The following TNRC18 variants were observed in gnomAD, a reference collection of about 807,000 sequenced individuals.
The protein encoded by TNRC18 is trinucleotide repeat containing 18.
TNRC18 carries 69 observed loss-of-function variants against 226.7 expected under a neutral mutation model. The observed-to-expected ratio is 0.30, with a 90% CI of 0.25 to 0.37. TNRC18 has a LOEUF of 0.37. TNRC18 is among the 10% of genes least tolerant of loss of function. TNRC18 has a pLI of 1.00. For missense variants in TNRC18, 4,754 were observed against 4,256.6 expected, an observed-to-expected ratio of 1.12 and a Z score of -3.25; for synonymous variants, 2,449 against 1,927.6, an observed-to-expected ratio of 1.27 and a Z score of -7.09.
intron 21 of TNRC18, among the ~76,000 whole-genome samples, chr7:5,323,060 C>T (rs760937942): frequency 5.9e-5 from 9 of 152,216 alleles, no homozygotes; most frequent in Non-Finnish European, 8.8e-5. Flanking sequence ...AGCCCATCAC[C>T]GCAGGAGCAA....
chr7:5,385,494 C>CAAAAAAAAAAAA (rs60919833), intron 5 of TNRC18, among the ~76,000 whole-genome samples: 2 of 88,120 alleles, frequency 2.3e-5, no homozygotes, highest in South Asian at 3.7e-4. Context: ...GACTCCGTCT[C>CAAAAAAAAAAAA]AAAAAAAAAA....
At chr7:5,334,672 G>A (rs547571915) in intron 18 of TNRC18, among the ~76,000 whole-genome samples, 2 of 152,164 alleles carry the variant, frequency 1.3e-5, no homozygotes, top group Non-Finnish European at 2.9e-5. Context: ...GCAGGCCACA[G>A]GCATGAGCGC....
At chr7:5,314,347 G>A (rs550227586) in intron 26 of TNRC18, among the ~76,000 whole-genome samples, 21 of 152,130 alleles carry the variant, frequency 1.4e-4, no homozygotes, top group African/African-American at 3.6e-4. Flanking sequence ...CTCCTTCGGC[G>A]GTTCCCCTAT....
At chr7:5,349,452 C>T (rs1791553892) in intron 17 of TNRC18, among the ~76,000 whole-genome samples, 1 of 152,092 alleles carries the variant, frequency 6.6e-6, no homozygotes, top group Non-Finnish European at 1.5e-5. Context: ...AAAGCAACAA[C>T]AAAAAAAGAT....
At chr7:5,310,224 G>GTTA (rs1023452341) in intron 27 of TNRC18, among the ~76,000 whole-genome samples, 6 of 151,752 alleles carry the variant, frequency 4.0e-5, no homozygotes, top group Admixed American at 6.6e-5. Flanking sequence ...TTAAAAAATA[G>GTTA]TTATTATTAT....
intron 10 of TNRC18, among the ~76,000 whole-genome samples, 166 bp downstream of exon 10, chr7:5,373,889 T>A (rs1304001579): frequency 1.3e-5 from 2 of 151,886 alleles, no homozygotes; most frequent in East Asian, 3.9e-4. Flanking sequence ...GATTTGACTG[T>A]GAGCTCCTGT....
At position 5,421,181 on chromosome 7, in the gene TNRC18, G is replaced by A. The variant is rs898906654; in HGVS notation, c.66C>T (p.Gly22=). Residue 22 remains glycine, a synonymous_variant, in exon 2 of 30, where the codon GGC becomes GGT. Transcript: ENST00000430969. ...CCACGCGGTGGCTGTCCATGGCCAG[G>A]CCGGACAGCAGCGGCGGCGGGGGAC... is the stretch of plus-strand genomic sequence containing the variant. ...VHGPPPPLLS[G]LAMDSHRVGA... 7.2e-7 allele frequency: 1 copy of A among 1,391,062 alleles called. No homozygotes were observed. The highest frequency in any genetic ancestry group is 9.3e-7 in the Non-Finnish European group (1 of 1,069,854). The allele number at this position is 1,391,062 out of a possible 1,614,324, so 86.2% of individuals were successfully genotyped here.
At chr7:5,372,377 G>A (rs891860958) in intron 10 of TNRC18, among the ~76,000 whole-genome samples, 26 of 146,550 alleles carry the variant, frequency 1.8e-4, no homozygotes, top group African/African-American at 5.8e-4. Context: ...GTGCCCGGCC[G>A]TGCCCGGCTA....
chr7:5,388,494 C>G lies in TNRC18; in HGVS notation c.1330G>C (p.Ala444Pro), dbSNP rs1219522753. 2 of 1,349,950 alleles carry G rather than the reference C, an allele frequency of 1.5e-6. No individual in the cohort carries two copies. Among genetic ancestry groups the G allele is most frequent in the South Asian group, 3.3e-5 (2 of 59,974 alleles). The allele number at this position is 1,349,950 out of a possible 1,614,324, so 83.6% of individuals were successfully genotyped here. The change falls in exon 5 of 30, where the codon GCC (alanine) becomes CCC (proline). Residue 444 changes from alanine (A) to proline (P), a missense_variant. Coordinates refer to ENST00000430969, the MANE Select transcript of TNRC18 (RefSeq NM_001080495.3). ...RSLKRPPPADAPTVRATRASP... is the reference protein window; with the variant it reads ...RSLKRPPPADPPTVRATRASP... ...GCGCGTGTGGCCCGCACCGTGGGGG[C>G]ATCCGCGGGGGGCGGCCGCTTGAGC... is the stretch of plus-strand genomic sequence containing the variant.
chr7:5,392,412 G>C (rs1038081574), intron 3 of TNRC18, among the ~76,000 whole-genome samples: 10 of 151,936 alleles, frequency 6.6e-5, no homozygotes, highest in Non-Finnish European at 1.5e-4. Context: ...GCAGTGAACC[G>C]AGATCAGCCT....
intron 3 of TNRC18, 112 bp from the exon 4 acceptor site, chr7:5,390,740 G>T: frequency 1.5e-6 from 2 of 1,306,066 alleles, no homozygotes; most frequent in Non-Finnish European, 2.0e-6. Context: ...GGTACAGGGC[G>T]CCTTGAGGTT....
chr7:5,356,947 CGG>C lies in TNRC18; in HGVS notation c.5161_5162del (p.Pro1721ValfsTer42). 6.5e-7 allele frequency: 1 copy of C among 1,550,382 alleles called. No individual in the cohort carries two copies. Among genetic ancestry groups the C allele is most frequent in the Non-Finnish European group, 8.7e-7 (1 of 1,146,316 alleles). On this transcript the variant is annotated frameshift_variant, in exon 16 of 30. Transcript: ENST00000430969. LOFTEE classifies it high-confidence loss of function. ...ARGQPKSAHS[P>X]FASEVSSYSY... is the part of the protein sequence containing the mutation. Reference sequence around the variant, plus strand: ...AGTAGCTGCTCACTTCCGAGGCAAACGGGGAATGGGCCGACTTGGGCTGGCCT... The same window carrying C: ...AGTAGCTGCTCACTTCCGAGGCAAACGGAATGGGCCGACTTGGGCTGGCCT...
intron 18 of TNRC18, among the ~76,000 whole-genome samples, chr7:5,342,668 C>G (rs1182608315): frequency 6.6e-6 from 1 of 152,154 alleles, no homozygotes; most frequent in Non-Finnish European, 1.5e-5. Flanking sequence ...GCATCTACTC[C>G]TGGTGAAGAT....
intron 2 of TNRC18, chr7:5,420,296 G>A (rs964155618): frequency 6.9e-6 from 3 of 435,012 alleles, no homozygotes; most frequent in South Asian, 3.2e-5. Flanking sequence ...CCCCTCCGCC[G>A]CCTGGGCCCT....
Position 5,389,018 on chromosome 7 carries a change from G to C in TNRC18, c.806C>G (p.Ser269Cys). 7 of 1,333,042 alleles carry C rather than the reference G, an allele frequency of 5.3e-6. No individual in the cohort carries two copies. Among genetic ancestry groups the C allele is most frequent in the Non-Finnish European group, 6.8e-6 (7 of 1,033,260 alleles). 82.6% of individuals were successfully genotyped at this position (1,333,042 alleles called of 1,614,324 possible). A position where few individuals can be genotyped will look rare whatever the true frequency, so the allele number is the denominator to read the frequency against. The part of the protein sequence containing the change: ...AERLSPFLAE[S>C]KTKNAALQPS... The stretch of plus-strand genomic sequence containing the variant: ...CTGCAGCGCCGCATTCTTGGTCTTG[G>C]ACTCAGCCAGGAAGGGCGACAGGCG... Residue 269 changes from serine (S) to cysteine (C), a missense_variant, in exon 5 of 30, where the codon TCC (serine) becomes TGC (cysteine). Ser to Cys is a moderately radical substitution (Grantham distance 112, BLOSUM62 -1). Coordinates refer to ENST00000430969, the MANE Select transcript of TNRC18 (RefSeq NM_001080495.3).
chr7:5,413,216 G>A (rs1221371589), intron 2 of TNRC18, among the ~76,000 whole-genome samples: 1 of 152,220 alleles, frequency 6.6e-6, no homozygotes, highest in East Asian at 1.9e-4. Context: ...GGAGGAGCTG[G>A]GCCAGACCAC....
At chr7:5,376,276 A>G (rs1794667586) in intron 8 of TNRC18, 52 bp from the exon 9 acceptor site, 3 of 1,377,498 alleles carry the variant, frequency 2.2e-6, no homozygotes, top group Non-Finnish European at 1.9e-6. Context: ...CTCCACCACC[A>G]TGCCCATTAC....
rs1183143541 is a variant in TNRC18, at chr7:5,345,559, T to TACCCAGCAGGCTCTGCCGCTC, written c.5701_5719+2dup. ...CCACCGCAGCCCACCTGCTGCCACT[T>TACCCAGCAGGCTCTGCCGCTC]ACCCAGCAGGCTCTGCCGCTCCTCT... On this transcript the variant is annotated splice_region_variant and intron_variant, in intron 18 of 29. Transcript: ENST00000430969. The TACCCAGCAGGCTCTGCCGCTC allele has an allele frequency of 5.4e-6, 5 of 929,140 alleles. No individual in the cohort carries two copies. The highest frequency in any genetic ancestry group is 6.5e-6 in the Non-Finnish European group (5 of 773,898). 57.6% of individuals were successfully genotyped at this position (929,140 alleles called of 1,614,324 possible). A position where few individuals can be genotyped will look rare whatever the true frequency, so the allele number is the denominator to read the frequency against.
Position 5,359,448 on chromosome 7 carries a change from T to C in TNRC18, c.4783A>G (p.Arg1595Gly). 1.2e-6 allele frequency: 2 copies of C among 1,613,994 alleles called. No homozygotes were observed. Among genetic ancestry groups the C allele is most frequent in the Non-Finnish European group, 1.7e-6 (2 of 1,179,866 alleles). ...TCATGTTCATCCCAAGTCTGGTTCC[T>C]CCCCCTGGCTTTCCCCATTCCGATG... is the stretch of plus-strand genomic sequence containing the variant. Reference protein sequence around the residue: ...ALIGMGKARGRNQTWDEHEAS... With the variant: ...ALIGMGKARGGNQTWDEHEAS... Residue 1595 changes from arginine (R) to glycine (G), a missense_variant, in exon 15 of 30, where the codon AGG (arginine) becomes GGG (glycine). By Grantham distance (125) the Arg-to-Gly change is moderately radical. Coordinates refer to ENST00000430969, the MANE Select transcript of TNRC18 (RefSeq NM_001080495.3).
Sources: allele counts gnomAD v4.1 joint callset (sites outside exome capture counted in the v4.1 genomes callset), GRCh38; gene constraint gnomAD v4.1.1; transcripts MANE v1.5; gene names NCBI Gene and HGNC (gene_info 2026-07-23, HGNC 2026-07-21).